Variants in DAAM1 observed in about 807,000 individuals in gnomAD.
DAAM1 encodes dishevelled associated activator of morphogenesis 1.
Under a neutral mutation model 130.0 loss-of-function variants are expected in DAAM1, and 52 were observed. The observed-to-expected ratio is 0.40, with a 90% CI of 0.32 to 0.50. DAAM1 has a LOEUF of 0.50. Ranked by LOEUF, DAAM1 falls within the 20% of genes least tolerant of loss-of-function variation. The pLI is 0.61. For missense variants in DAAM1, 1,134 were observed against 1,303.8 expected (o/e 0.87, Z 2.01); for synonymous variants, 452 against 444.5 (o/e 1.02, Z -0.21).
At position 59,315,313 on chromosome 14, in the gene DAAM1, C is replaced by T. The variant is rs1884746634; in HGVS notation, c.307C>T (p.Pro103Ser). 6.2e-7 allele frequency: 1 copy of T among 1,613,854 alleles called. No individual in the cohort carries two copies. ...QEENKGATSW[P>S]EFYIDQLNSM... is the part of the protein sequence containing the mutation. ...AGAAAACAAGGGAGCTACAAGTTGG[C>T]CTGAATTCTACATTGATCAGCTCAA... The change falls in exon 4 of 25, where the codon CCT becomes TCT. Residue 103 changes from proline (P) to serine (S), a missense_variant. Pro to Ser is a moderately conservative substitution (Grantham distance 74). Around this residue, in one of 3 missense-constraint regions of DAAM1, gnomAD observed 391 missense variants for 521.6 expected, o/e 0.75. Transcript: ENST00000360909.
chr14:59,246,827 C>T (rs11626530), intron 1 of DAAM1, among the ~76,000 whole-genome samples: 28,572 of 152,064 alleles, frequency 0.19, 3,181 homozygotes, highest in Non-Finnish European at 0.25. Flanking sequence ...TCTTTTTATA[C>T]GCATGTTGGT....
intron 2 of DAAM1, among the ~76,000 whole-genome samples, chr14:59,284,682 G>A (rs1223338131): frequency 1.4e-5 from 1 of 72,202 alleles, no homozygotes. Flanking sequence ...ACAATTGGAA[G>A]CATTAACAAC....
At chr14:59,217,059 TTG>T (rs1305710140) in intron 1 of DAAM1, among the ~76,000 whole-genome samples, 2 of 152,202 alleles carry the variant, frequency 1.3e-5, no homozygotes, top group Non-Finnish European at 2.9e-5. Flanking sequence ...TTGTCTTGCA[TTG>T]TGTTTGACCT....
chr14:59,231,528 TAAGGG>T (rs1269259097), intron 1 of DAAM1, among the ~76,000 whole-genome samples: 1 of 152,154 alleles, frequency 6.6e-6, no homozygotes, highest in African/African-American at 2.4e-5. Flanking sequence ...TATTATTTTT[TAAGGG>T]AAGTATTTTG....
chr14:59,344,275 A>C (rs572395453), intron 16 of DAAM1, among the ~76,000 whole-genome samples: 13 of 152,192 alleles, frequency 8.5e-5, no homozygotes, highest in Non-Finnish European at 1.9e-4. Flanking sequence ...TCCATCCTTA[A>C]CTTATTTTAA....
At position 59,320,807 on chromosome 14, in the gene DAAM1, G is replaced by A. The variant is rs1884977562; in HGVS notation, c.440+223G>A. Among the ~76,000 whole-genome samples the A allele has an allele frequency of 2.6e-5, 4 of 152,284 alleles. No individual in the cohort carries two copies. In the South Asian group the frequency reaches 6.2e-4, roughly 24 times the overall value. On this transcript the variant is annotated intron_variant, in intron 5 of 24. Transcript: ENST00000360909. ...AAAACAGAGAGAGACTTTAACAATGGTAAGTTAGTAGACAAGAATGTAGAA... is the reference window on the plus strand; with the variant it reads ...AAAACAGAGAGAGACTTTAACAATGATAAGTTAGTAGACAAGAATGTAGAA...
rs942060157 is a variant in DAAM1, at chr14:59,369,801, A to G, written c.*942A>G. 8 of 147,376 alleles carry G rather than the reference A, an allele frequency of 5.4e-5. No individual in the cohort carries two copies. Among genetic ancestry groups the G allele is most frequent in the African/African-American group, 1.7e-4 (7 of 40,306 alleles). The allele number at this position is 147,376 out of a possible 1,614,324, so 9.1% of individuals were successfully genotyped here. A position where few individuals can be genotyped will look rare whatever the true frequency, so the allele number is the denominator to read the frequency against. On this transcript the variant is annotated 3_prime_UTR_variant, in exon 25 of 25. Coordinates refer to ENST00000360909, the MANE Select transcript of DAAM1 (RefSeq NM_001270520.2). The stretch of plus-strand genomic sequence containing the variant: ...AATTAATGGGGTGCCTTTTTGTTAT[A>G]GTTTCTATTTTCTGTTTTGTAGGAC...
At chr14:59,315,582 G>A (rs567396957) in intron 4 of DAAM1, among the ~76,000 whole-genome samples, 3 of 152,152 alleles carry the variant, frequency 2.0e-5, no homozygotes, top group Admixed American at 6.5e-5. Context: ...CAATATAATT[G>A]AGTTTAATGT....
chr14:59,365,077 C>T (rs376851117), intron 23 of DAAM1, among the ~76,000 whole-genome samples: 48 of 150,692 alleles, frequency 3.2e-4, no homozygotes, highest in African/African-American at 9.7e-4. Context: ...CTGTTGTCAG[C>T]TTGTTCATCA....
intron 1 of DAAM1, among the ~76,000 whole-genome samples, chr14:59,237,293 G>A (rs1889334149): frequency 6.6e-6 from 1 of 152,186 alleles, no homozygotes; most frequent in Non-Finnish European, 1.5e-5. Context: ...CATTCCAAAA[G>A]AGAGACATCC....
Position 59,323,000 on chromosome 14 carries a change from C to G in DAAM1, c.549C>G (p.Gly183=). 2.5e-6 allele frequency: 4 copies of G among 1,614,130 alleles called. No homozygotes were observed. The highest frequency in any genetic ancestry group is 2.5e-6 in the Non-Finnish European group (3 of 1,180,004). The change falls in exon 6 of 25, where the codon GGC becomes GGG. Residue 183 remains glycine, a synonymous_variant. Transcript: ENST00000360909. ...CTCGAATACATACTTCTCTCATTGGCTGTATAAAGGCGTTAATGAACAACT... is the reference window on the plus strand; with the variant it reads ...CTCGAATACATACTTCTCTCATTGGGTGTATAAAGGCGTTAATGAACAACT... The part of the protein sequence containing the change: ...SESRIHTSLI[G]CIKALMNNSQ...
rs563753619 is a variant in DAAM1, at chr14:59,359,513, T to C, written c.2633+9T>C. The C allele has an allele frequency of 6.3e-7, 1 of 1,597,816 alleles. No individual in the cohort carries two copies. The highest frequency in any genetic ancestry group is 1.7e-5 in the Admixed American group (1 of 59,936). ...CAAGCTGCGAAAGTAAAGTAAGTAC[T>C]TACAGTGAGTGTTAGTTTCTTAAAT... On this transcript the variant is annotated intron_variant, in intron 21 of 24. Transcript: ENST00000360909.
intron 1 of DAAM1, among the ~76,000 whole-genome samples, chr14:59,257,371 T>G (rs1881945497): frequency 7.2e-6 from 1 of 139,804 alleles, no homozygotes. Context: ...GTGGGGGAAA[T>G]GGACATTAAA....
chr14:59,195,204 T>G (rs1488283005), intron 1 of DAAM1, among the ~76,000 whole-genome samples: 1 of 146,860 alleles, frequency 6.8e-6, no homozygotes, highest in Admixed American at 7.0e-5. Context: ...AGTGCAGTGG[T>G]GCGATCTCAG....
At position 59,284,056 on chromosome 14, in the gene DAAM1, A is replaced by G. The variant is rs532642000; in HGVS notation, c.184-7161A>G. ...ACCTTTTCCTCCCTGTTCAATCCTA[A>G]ATGCTGGATGATAAGTGATTTAAGG... On this transcript the variant is annotated intron_variant, in intron 2 of 24. Transcript: ENST00000360909. Among the ~76,000 whole-genome samples the G allele has an allele frequency of 2.0e-5, 3 of 152,192 alleles. 1 individual carries two copies. The highest frequency in any genetic ancestry group is 7.2e-5 in the African/African-American group (3 of 41,530).
intron 15 of DAAM1, chr14:59,338,313 C>G (rs1885704847): frequency 6.8e-7 from 1 of 1,481,396 alleles, no homozygotes; most frequent in African/African-American, 1.4e-5. Flanking sequence ...TTGACTTTCC[C>G]CCATTTGTTG....
In DAAM1 at chr14:59,360,840, G is replaced by C. The variant is rs1886677982; in HGVS notation, c.2672G>C (p.Ser891Thr). 6.2e-7 allele frequency: 1 copy of C among 1,613,922 alleles called. No individual in the cohort carries two copies. The highest frequency in any genetic ancestry group is 1.7e-5 in the Admixed American group (1 of 60,022). ...ELDKEISTLR[S>T]GLKAVETELE... Reference sequence around the variant, plus strand: ...GACAAAGAAATAAGTACCTTGAGAAGTGGCTTGAAAGCAGTAGAGACAGTG... The same window carrying C: ...GACAAAGAAATAAGTACCTTGAGAACTGGCTTGAAAGCAGTAGAGACAGTG... Residue 891 changes from serine (S) to threonine (T), a missense_variant, in exon 22 of 25, where the codon AGT becomes ACT. This residue lies in a region of DAAM1 where 644 missense variants were observed against 695.9 expected (regional missense o/e 0.93). Transcript: ENST00000360909.
intron 2 of DAAM1, among the ~76,000 whole-genome samples, chr14:59,281,471 G>A (rs770451887): frequency 5.3e-5 from 8 of 152,038 alleles, no homozygotes; most frequent in East Asian, 1.9e-4. Flanking sequence ...ATTGGACTTC[G>A]CATGCAGTGA....
At chr14:59,309,977 T>G (rs7145042) in intron 3 of DAAM1, among the ~76,000 whole-genome samples, 63,998 of 151,672 alleles carry the variant, frequency 0.42, 13,723 homozygotes, top group East Asian at 0.56. Flanking sequence ...TAAACTATTT[T>G]GGCCTATCTG....
Sources: gnomAD v4.1 joint callset for allele counts (sites outside exome capture counted in the v4.1 genomes callset) on GRCh38, gnomAD v4.1.1 for gene constraint, gnomAD v4.1.1 regional missense constraint, MANE v1.5 for transcripts, NCBI Gene and HGNC (gene_info 2026-07-23, HGNC 2026-07-21) for gene names.